Variants in KIF26A observed in about 807,000 individuals in gnomAD.
The protein encoded by KIF26A is kinesin-like protein KIF26A.
Under a neutral mutation model 126.0 loss-of-function variants are expected in KIF26A, and 74 were observed. That is an observed-to-expected ratio of 0.59 (90% confidence interval 0.49 to 0.71). KIF26A has a LOEUF of 0.71. Ranked by LOEUF, KIF26A falls within the 30% of genes least tolerant of loss-of-function variation. The probability of loss-of-function intolerance (pLI) is 0.00; values close to 1 mark genes in which losing one functional copy is unlikely to be tolerated. For synonymous variants in KIF26A, 1,445 were observed against 1,232.7 expected, an observed-to-expected ratio of 1.17 and a Z score of -3.61; for missense variants, 2,984 against 2,763.3, an observed-to-expected ratio of 1.08 and a Z score of -1.79.
At chr14:104,142,035 C>G (rs2037642339) in intron 2 of KIF26A, among the ~76,000 whole-genome samples, 1 of 151,416 alleles carries the variant, frequency 6.6e-6, no homozygotes, top group Non-Finnish European at 1.5e-5. Flanking sequence ...CCCGGCCTAC[C>G]TCTCCCTTGC....
chr14:104,157,158 G>A (rs750715554), intron 3 of KIF26A, among the ~76,000 whole-genome samples: 18 of 152,276 alleles, frequency 1.2e-4, no homozygotes, highest in East Asian at 1.9e-4. Context: ...GGGCTGTCCC[G>A]GGCGTTTAAT....
chr14:104,165,395 T>G (rs1276174958), intron 4 of KIF26A, among the ~76,000 whole-genome samples: 1 of 98,984 alleles, frequency 1.0e-5, no homozygotes, highest in East Asian at 2.2e-4. Flanking sequence ...TGTGTCTGTA[T>G]GCATATGTGT....
At position 104,179,810 on chromosome 14, in the gene KIF26A, G is replaced by A. The variant is rs1411639771; in HGVS notation, c.*20G>A. On this transcript the variant is annotated 3_prime_UTR_variant, in exon 15 of 15. Coordinates refer to ENST00000423312, the MANE Select transcript of KIF26A (RefSeq NM_015656.2). Reference sequence around the variant, plus strand: ...GTCTGAGGCTGGGCGCCGGACAAGAGGAGGGGGCGTGCAGCGGGCTGGAGG... The same window carrying A: ...GTCTGAGGCTGGGCGCCGGACAAGAAGAGGGGGCGTGCAGCGGGCTGGAGG... The A allele has an allele frequency of 2.7e-6, 4 of 1,507,664 alleles. No individual in the cohort carries two copies. In the Middle Eastern group the frequency reaches 5.7e-4, roughly 216 times the overall value. The allele number at this position is 1,507,664 out of a possible 1,614,324, so 93.4% of individuals were successfully genotyped here.
In KIF26A at chr14:104,169,726, G is replaced by GCTTCCCCCCTCCCTGC. The variant is rs1566862585; in HGVS notation, c.1114-1995_1114-1994insTCCCCCCTCCCTGCCT. Among the ~76,000 whole-genome samples, 7 of 152,246 alleles carry GCTTCCCCCCTCCCTGC rather than the reference G, an allele frequency of 4.6e-5. No individual in the cohort carries two copies. In the South Asian group the frequency reaches 1.4e-3, roughly 32 times the overall value. The stretch of plus-strand genomic sequence containing the variant: ...AAAAGACATCCCTGTCTGGGTGGGT[G>GCTTCCCCCCTCCCTGC]CTGAGCAGCGCCCTTCCCCCTCCCT... On this transcript the variant is annotated intron_variant, in intron 5 of 14. Coordinates refer to ENST00000423312, the MANE Select transcript of KIF26A (RefSeq NM_015656.2).
At chr14:104,153,763 A>T (rs2037752282) in intron 3 of KIF26A, among the ~76,000 whole-genome samples, 1 of 152,212 alleles carries the variant, frequency 6.6e-6, no homozygotes, top group Admixed American at 6.5e-5. Context: ...CTGGGCCTGA[A>T]ACCCAGGATG....
intron 7 of KIF26A, 49 bp from the exon 8 acceptor site, chr14:104,172,928 G>A (rs1470862064): frequency 6.6e-7 from 1 of 1,515,730 alleles, no homozygotes. Flanking sequence ...TAGCCATAAA[G>A]GCTCCTTGCG....
In KIF26A at chr14:104,138,662, G is replaced by A; in HGVS notation, c.-61G>A. On this transcript the variant is annotated 5_prime_UTR_variant, in exon 1 of 15. Coordinates refer to ENST00000423312, the MANE Select transcript of KIF26A (RefSeq NM_015656.2). ...CCTCGGGGCCGGATCACGTAGCCGC[G>A]GCGCCCCCGGAGAGCCAGCGTGGCC... The A allele has an allele frequency of 8.2e-7, 1 of 1,224,456 alleles. No homozygotes were observed. Among genetic ancestry groups the A allele is most frequent in the Non-Finnish European group, 1.0e-6 (1 of 974,988 alleles). 75.8% of individuals were successfully genotyped at this position (1,224,456 alleles called of 1,614,324 possible). A position where few individuals can be genotyped will look rare whatever the true frequency, so the allele number is the denominator to read the frequency against.
At chr14:104,179,504 G>A in intron 14 of KIF26A, 105 bp from the exon 15 acceptor site, 3 of 1,427,760 alleles carry the variant, frequency 2.1e-6, no homozygotes, top group Non-Finnish European at 2.8e-6. Context: ...GGAAGGCAGG[G>A]TCGGCCGGGC....
Position 104,173,421 on chromosome 14 carries a change from C to T in KIF26A, c.1775C>T (p.Ala592Val), listed in dbSNP as rs779948858. ...CTGGCGGCCCGCAGCACCAGCCGAG[C>T]GGGCTGTGGCGAGGACGCCCGACGC... The part of the protein sequence containing the change: ...AALAARSTSR[A>V]GCGEDARRSS... The change falls in exon 9 of 15, where the codon GCG becomes GTG. Residue 592 changes from alanine (A) to valine (V), a missense_variant. Physicochemically the swap from Ala to Val is moderately conservative, Grantham distance 64. Coordinates refer to ENST00000423312, the MANE Select transcript of KIF26A (RefSeq NM_015656.2). The T allele has an allele frequency of 6.1e-5, 97 of 1,582,876 alleles. No individual in the cohort carries two copies. Among genetic ancestry groups the T allele is most frequent in the South Asian group, 2.4e-4 (21 of 87,188 alleles).
intron 5 of KIF26A, 66 bp downstream of exon 5, chr14:104,167,114 G>C (rs2037913991): frequency 4.2e-6 from 6 of 1,411,960 alleles, no homozygotes; most frequent in Non-Finnish European, 5.6e-6. Flanking sequence ...AGACGCAGGA[G>C]GGGTGAGGGA....
At chr14:104,162,168 T>A (rs1234843373) in intron 4 of KIF26A, among the ~76,000 whole-genome samples, 1 of 152,096 alleles carries the variant, frequency 6.6e-6, no homozygotes, top group Non-Finnish European at 1.5e-5. Context: ...ACCAGTGAGG[T>A]AAGCCCGTAA....
At position 104,175,869 on chromosome 14, in the gene KIF26A, C is replaced by T. The variant is rs770196377; in HGVS notation, c.3081C>T (p.Asn1027=). 26 of 1,539,590 alleles carry T rather than the reference C, an allele frequency of 1.7e-5. No individual in the cohort carries two copies. Among genetic ancestry groups the T allele is most frequent in the Middle Eastern group, 3.4e-4 (2 of 5,928 alleles). The change falls in exon 12 of 15, where the codon AAC becomes AAT. Residue 1027 remains asparagine (N), a synonymous_variant. Transcript: ENST00000423312. ...CCCTGCAGCGGCCAGTGGAGCTCAA[C>T]GGCGAGGACGAGCTGGTGTTCACGG... ...TVTLQRPVEL[N]GEDELVFTVV...
Position 104,166,858 on chromosome 14 carries a change from G to A in KIF26A, c.924-1G>A, listed in dbSNP as rs1438699814. 1 of 1,569,260 alleles carries A rather than the reference G, an allele frequency of 6.4e-7. No homozygotes were observed. The highest frequency in any genetic ancestry group is 2.4e-5 in the East Asian group (1 of 42,220). On this transcript the variant is annotated splice_acceptor_variant, in intron 4 of 14. Transcript: ENST00000423312. LOFTEE classifies it high-confidence loss of function. ...ATCCTGCCTCTGCCTCTCCTCCCCA[G>A]GGCTATGCAGAAGCTCAGCCTGGCC...
intron 4 of KIF26A, among the ~76,000 whole-genome samples, chr14:104,165,691 G>C (rs547332790): frequency 6.6e-6 from 1 of 151,658 alleles, no homozygotes; most frequent in African/African-American, 2.4e-5. Flanking sequence ...ATGTGTGACT[G>C]TGTGTCTCTG....
rs187787909 is a variant in KIF26A at position 104,178,865 on chromosome 14, A to G, written c.5316+110A>G. 2.0e-3 allele frequency: 1,300 copies of G among 661,756 alleles called. 21 individuals are homozygous for G. The African/African-American group carries it at 0.021, about 11-fold the overall frequency. 41.0% of individuals were successfully genotyped at this position (661,756 alleles called of 1,614,324 possible). A position where few individuals can be genotyped will look rare whatever the true frequency, so the allele number is the denominator to read the frequency against. ...CAGGCCTCTGGGGGTGTGGCTGGGC[A>G]GCCCCTGACCTCACTTTCTGTCCAC... On this transcript the variant is annotated intron_variant, in intron 13 of 14. Coordinates refer to ENST00000423312, the MANE Select transcript of KIF26A (RefSeq NM_015656.2).
chr14:104,140,738 GCCCCAGACCA>G (rs2037629979), intron 2 of KIF26A, among the ~76,000 whole-genome samples: 1 of 152,268 alleles, frequency 6.6e-6, no homozygotes, highest in African/African-American at 2.4e-5. Flanking sequence ...CTTCAGGGGA[GCCCCAGACCA>G]CCCATCTCCA....
intron 11 of KIF26A, 85 bp downstream of exon 11, chr14:104,174,395 G>T (rs1021408459): frequency 5.1e-5 from 69 of 1,353,468 alleles, no homozygotes; most frequent in Middle Eastern, 5.4e-4. Flanking sequence ...TGGTTGGGGT[G>T]GGGGTCAGCA....
chr14:104,143,526 C>T (rs2037655435), intron 2 of KIF26A, among the ~76,000 whole-genome samples: 1 of 152,234 alleles, frequency 6.6e-6, no homozygotes, highest in Admixed American at 6.5e-5. Context: ...TCCGAGGAAG[C>T]CCTCTTAGCC....
intron 5 of KIF26A, among the ~76,000 whole-genome samples, chr14:104,171,360 G>A (rs1213640473): frequency 6.6e-6 from 1 of 152,220 alleles, no homozygotes; most frequent in Non-Finnish European, 1.5e-5. Flanking sequence ...GGGCCAGGGG[G>A]CCATGCTCCT....
Sources: allele counts gnomAD v4.1 joint callset (sites outside exome capture counted in the v4.1 genomes callset), GRCh38; gene constraint gnomAD v4.1.1; transcripts MANE v1.5; gene names NCBI Gene and HGNC (gene_info 2026-07-23, HGNC 2026-07-21).